The following HPSE2 variants were observed in gnomAD, a reference collection of about 807,000 sequenced individuals.
HPSE2 encodes the protein inactive heparanase-2.
A neutral mutation model predicts 60.5 loss-of-function variants in HPSE2; 38 were observed. The observed-to-expected ratio is 0.63, with a 90% CI of 0.48 to 0.82. The LOEUF is 0.82. HPSE2 is among the 40% of genes least tolerant of loss of function. The pLI, the probability that HPSE2 is intolerant of heterozygous loss-of-function variation, is 0.00. For synonymous variants in HPSE2, 295 were observed against 293.2 expected (o/e 1.01, Z -0.06); for missense variants, 713 against 740.4 (o/e 0.96, Z 0.43).
chr10:98,625,878 G>A (rs534664414), intron 7 of HPSE2, among the ~76,000 whole-genome samples: 2 of 152,070 alleles, frequency 1.3e-5, no homozygotes, highest in Non-Finnish European at 2.9e-5. Context: ...CGAGGTGGGC[G>A]GATCTCAAGG....
intron 3 of HPSE2, among the ~76,000 whole-genome samples, chr10:99,141,442 A>G (rs1845863186): frequency 6.6e-6 from 1 of 152,206 alleles, no homozygotes; most frequent in African/African-American, 2.4e-5. Flanking sequence ...TATCATATAA[A>G]CCATTGACAT....
chr10:98,486,099 T>A (rs1250091764), intron 10 of HPSE2, among the ~76,000 whole-genome samples: 1 of 152,150 alleles, frequency 6.6e-6, no homozygotes, highest in Non-Finnish European at 1.5e-5. Flanking sequence ...GGAATTGGCA[T>A]TAAAGACTGC....
At chr10:98,878,681 C>A (rs1952940615) in intron 3 of HPSE2, among the ~76,000 whole-genome samples, 1 of 151,844 alleles carries the variant, frequency 6.6e-6, no homozygotes. Context: ...AGGTTATAGG[C>A]CATGTTAAGA....
chr10:98,974,295 A>C (rs1011251056), intron 3 of HPSE2, among the ~76,000 whole-genome samples: 6 of 150,624 alleles, frequency 4.0e-5, no homozygotes, highest in African/African-American at 1.5e-4. Flanking sequence ...GAAAAAAAAA[A>C]GAAAGAAAAG....
At chr10:98,842,780 A>G (rs1951947015) in intron 3 of HPSE2, among the ~76,000 whole-genome samples, 1 of 152,272 alleles carries the variant, frequency 6.6e-6, no homozygotes, top group African/African-American at 2.4e-5. Flanking sequence ...AAACTGTATA[A>G]TGACATGCAT....
chr10:98,738,718 A>G (rs1589740315), intron 4 of HPSE2, among the ~76,000 whole-genome samples: 2 of 152,380 alleles, frequency 1.3e-5, no homozygotes, highest in African/African-American at 4.8e-5. Context: ...AAGATATGAA[A>G]AAACGCTCAT....
chr10:98,506,693 C>T (rs1387889981), intron 9 of HPSE2, among the ~76,000 whole-genome samples: 1 of 152,132 alleles, frequency 6.6e-6, no homozygotes, highest in Non-Finnish European at 1.5e-5. Flanking sequence ...CCTGATCACT[C>T]CTCAAGTGAT....
chr10:99,215,413 G>A (rs766223641), intron 2 of HPSE2, among the ~76,000 whole-genome samples: 10 of 152,186 alleles, frequency 6.6e-5, no homozygotes, highest in Non-Finnish European at 1.0e-4. Context: ...GCTGAACAAC[G>A]AGAACACATG....
intron 3 of HPSE2, among the ~76,000 whole-genome samples, chr10:98,843,652 T>C (rs1211886050): frequency 6.6e-6 from 1 of 152,224 alleles, no homozygotes; most frequent in African/African-American, 2.4e-5. Context: ...CTACACTCAC[T>C]GTTGAAAGTA....
At chr10:98,749,481 G>A (rs1200159169) in intron 3 of HPSE2, among the ~76,000 whole-genome samples, 1 of 150,320 alleles carries the variant, frequency 6.7e-6, no homozygotes, top group Non-Finnish European at 1.5e-5. Context: ...ATACATGCAT[G>A]TATATATACA....
At chr10:98,605,709 G>A (rs1033905977) in intron 9 of HPSE2, among the ~76,000 whole-genome samples, 1 of 152,210 alleles carries the variant, frequency 6.6e-6, no homozygotes, top group Non-Finnish European at 1.5e-5. Flanking sequence ...CCAAGTGCTG[G>A]TGGCAAGGGC....
At chr10:98,749,393 T>C (rs890383922) in intron 3 of HPSE2, among the ~76,000 whole-genome samples, 1 of 151,722 alleles carries the variant, frequency 6.6e-6, no homozygotes, top group African/African-American at 2.4e-5. Context: ...CAGATATACA[T>C]GCGTGTATAT....
chr10:99,282,417 T>C, the HPSE2 span, among the ~76,000 whole-genome samples: 1 of 152,206 alleles, frequency 6.6e-6, no homozygotes, highest in Non-Finnish European at 1.5e-5. Context: ...TATAGTTCTA[T>C]AATCATAGTT....
chr10:99,044,950 A>G (rs1957821732), intron 3 of HPSE2, among the ~76,000 whole-genome samples: 1 of 152,156 alleles, frequency 6.6e-6, no homozygotes, highest in South Asian at 2.1e-4. Context: ...ATAGCATTAG[A>G]CAGATCAAGG....
At chr10:99,311,806 C>T in the HPSE2 span, among the ~76,000 whole-genome samples, 6 of 152,062 alleles carry the variant, frequency 3.9e-5, no homozygotes, top group African/African-American at 7.2e-5. Flanking sequence ...TGAGATAGGC[C>T]GAAAGCTAGG....
At chr10:98,679,648 T>G (rs942285789) in intron 6 of HPSE2, among the ~76,000 whole-genome samples, 2 of 152,182 alleles carry the variant, frequency 1.3e-5, no homozygotes, top group African/African-American at 4.8e-5. Flanking sequence ...CTAATGTTTT[T>G]CTTGTGCCTA....
At chr10:98,996,185 G>A (rs1956637747) in intron 3 of HPSE2, among the ~76,000 whole-genome samples, 1 of 152,088 alleles carries the variant, frequency 6.6e-6, no homozygotes, top group East Asian at 1.9e-4. Context: ...ACCTATCAAT[G>A]TATTAGTTTT....
At chr10:98,867,158 T>A (rs1952608182) in intron 3 of HPSE2, among the ~76,000 whole-genome samples, 1 of 151,998 alleles carries the variant, frequency 6.6e-6, no homozygotes, top group Non-Finnish European at 1.5e-5. Flanking sequence ...GAGATAGAGA[T>A]AACAGTCTGG....
In HPSE2 at chr10:99,027,548, A is replaced by G. The variant is rs552428712; in HGVS notation, c.610+116690T>C. 3.1e-3 allele frequency among the ~76,000 whole-genome samples: 476 copies of G among 152,290 alleles called. 4 individuals carry two copies. The highest frequency in any genetic ancestry group is 3.4e-3 in the Non-Finnish European group (229 of 68,004). ...ACAAAACATTTAAGGAAGAATTAAA[A>G]CCAATCCTATTCAAACTATTCTGAA... On this transcript the variant is annotated intron_variant, in intron 3 of 11. Transcript: ENST00000370552.
Sources: allele counts gnomAD v4.1 joint callset (sites outside exome capture counted in the v4.1 genomes callset), GRCh38; gene constraint gnomAD v4.1.1; transcripts MANE v1.5; gene names NCBI Gene and HGNC (gene_info 2026-07-23, HGNC 2026-07-21).